The following CBFA2T2 variants were observed in gnomAD, a reference collection of about 807,000 sequenced individuals.
CBFA2T2 encodes the protein protein CBFA2T2.
In CBFA2T2, 11 loss-of-function variants were observed where a neutral mutation model predicts 62.2. The ratio of observed to expected loss-of-function variants is 0.18; its 90% CI spans 0.11 to 0.29. The LOEUF (loss-of-function observed/expected upper bound fraction) is 0.29, where lower values mean the gene tolerates loss of function less well. Among genes scored for constraint, CBFA2T2 ranks in the 10% least tolerant of loss-of-function variants. The pLI, the probability that CBFA2T2 is intolerant of heterozygous loss-of-function variation, is 1.00. For synonymous variants in CBFA2T2, 295 were observed against 287.5 expected (o/e 1.03, Z -0.27); for missense variants, 592 against 774.1 (o/e 0.76, Z 2.79).
rs58503565 is a variant in CBFA2T2, at chr20:33,596,660, G to A, written c.35-10296G>A. 5.2e-3 allele frequency among the ~76,000 whole-genome samples: 790 copies of A among 152,132 alleles called. 9 individuals carry two copies. The highest frequency in any genetic ancestry group is 0.018 in the African/African-American group (761 of 41,502). Reference sequence around the variant, plus strand: ...TAAGATACCTGTTCTCAGGCTTTCCGTAGAATCTATATGCCATTATTTGAA... The same window carrying A: ...TAAGATACCTGTTCTCAGGCTTTCCATAGAATCTATATGCCATTATTTGAA... On this transcript the variant is annotated intron_variant, in intron 1 of 10. Transcript: ENST00000342704.
intron 1 of CBFA2T2, among the ~76,000 whole-genome samples, chr20:33,600,069 G>A (rs2015054607): frequency 6.6e-6 from 1 of 151,454 alleles, no homozygotes; most frequent in Admixed American, 6.6e-5. Flanking sequence ...TCATCCTTAA[G>A]CATGTACTAT....
At chr20:33,566,862 C>T (rs754375751) in intron 1 of CBFA2T2, among the ~76,000 whole-genome samples, 4 of 152,188 alleles carry the variant, frequency 2.6e-5, no homozygotes, top group Non-Finnish European at 1.5e-5. Flanking sequence ...CTAGCTGTTG[C>T]TGTCTTTCCA....
chr20:33,531,517 C>T (rs1196775474), intron 1 of CBFA2T2, among the ~76,000 whole-genome samples: 6 of 152,212 alleles, frequency 3.9e-5, no homozygotes, highest in Admixed American at 3.3e-4. Context: ...AAACTACTTT[C>T]ATTCTGGAAT....
rs1172936071 is a variant in CBFA2T2, at chr20:33,550,060, C to T, written c.35-56896C>T. On this transcript the variant is annotated intron_variant, in intron 1 of 10. Coordinates refer to ENST00000342704, the MANE Select transcript of CBFA2T2 (RefSeq NM_001032999.3). ...TTTGGACAGTTTTTTCCACATAAAGCCTTCCAGAAGATACTAAGAGCTATA... is the reference window on the plus strand; with the variant it reads ...TTTGGACAGTTTTTTCCACATAAAGTCTTCCAGAAGATACTAAGAGCTATA... Among the ~76,000 whole-genome samples the T allele has an allele frequency of 3.3e-5, 5 of 152,064 alleles. No individual in the cohort carries two copies. The East Asian group carries it at 9.7e-4, about 29-fold the overall frequency.
At chr20:33,613,196 GT>G (rs1473312268) in intron 3 of CBFA2T2, among the ~76,000 whole-genome samples, 1 of 152,168 alleles carries the variant, frequency 6.6e-6, no homozygotes, top group Non-Finnish European at 1.5e-5. Context: ...ATGACTGTAG[GT>G]TATTTTCATT....
chr20:33,636,723 G>A lies in CBFA2T2; in HGVS notation c.1297+15G>A, dbSNP rs748330077. On this transcript the variant is annotated intron_variant, in intron 9 of 10. Coordinates refer to ENST00000342704, the MANE Select transcript of CBFA2T2 (RefSeq NM_001032999.3). The stretch of plus-strand genomic sequence containing the variant: ...GAAAAAAACAGGTATGTGTCTGACT[G>A]CTTGTAGGTCATACATACTCACTAA... The A allele has an allele frequency of 1.9e-6, 3 of 1,588,070 alleles. No homozygotes were observed. Among genetic ancestry groups the A allele is most frequent in the Non-Finnish European group, 2.6e-6 (3 of 1,156,742 alleles).
At chr20:33,623,339 A>T (rs1008063428) in intron 5 of CBFA2T2, 43 bp downstream of exon 5, 1 of 1,600,202 alleles carries the variant, frequency 6.2e-7, no homozygotes, top group Non-Finnish European at 8.6e-7. Context: ...CTGGAACCGC[A>T]CTGGTCCTCC....
At chr20:33,558,195 G>A (rs1568818236) in intron 1 of CBFA2T2, among the ~76,000 whole-genome samples, 1 of 151,440 alleles carries the variant, frequency 6.6e-6, no homozygotes, top group African/African-American at 2.4e-5. Flanking sequence ...GCAGTGGTGC[G>A]ATCATGGCTC....
intron 1 of CBFA2T2, among the ~76,000 whole-genome samples, chr20:33,552,699 A>C (rs1303346111): frequency 1.3e-5 from 2 of 152,170 alleles, no homozygotes; most frequent in Non-Finnish European, 2.9e-5. Context: ...AAATGGGCTT[A>C]TGCTGTCCCC....
chr20:33,557,469 A>G (rs147271819), intron 1 of CBFA2T2, among the ~76,000 whole-genome samples: 8 of 152,220 alleles, frequency 5.3e-5, no homozygotes, highest in African/African-American at 1.7e-4. Context: ...ACAGCTAGGA[A>G]GTGTATGTAT....
chr20:33,540,812 A>G (rs1431867462), intron 1 of CBFA2T2, among the ~76,000 whole-genome samples: 1 of 152,184 alleles, frequency 6.6e-6, no homozygotes, highest in Non-Finnish European at 1.5e-5. Context: ...TAAATTTGAT[A>G]TCTAGGGTAC....
At chr20:33,632,471 CTTT>C (rs60957531) in intron 8 of CBFA2T2, among the ~76,000 whole-genome samples, 2 of 137,860 alleles carry the variant, frequency 1.5e-5, no homozygotes, top group Admixed American at 7.4e-5. Context: ...TCACCAATGA[CTTT>C]TTTTTTTTTT....
At chr20:33,521,798 CA>C (rs1311042303) in intron 1 of CBFA2T2, among the ~76,000 whole-genome samples, 1 of 151,020 alleles carries the variant, frequency 6.6e-6, no homozygotes, top group Non-Finnish European at 1.5e-5. Flanking sequence ...CAAAATTGAA[CA>C]AAAAAAGATG....
intron 1 of CBFA2T2, among the ~76,000 whole-genome samples, chr20:33,594,639 G>A (rs2014811201): frequency 6.6e-6 from 1 of 152,170 alleles, no homozygotes; most frequent in South Asian, 2.1e-4. Context: ...AACTAGCTGT[G>A]TGAGAAATTG....
At chr20:33,608,229 A>C (rs779818846) in intron 2 of CBFA2T2, among the ~76,000 whole-genome samples, 1 of 152,226 alleles carries the variant, frequency 6.6e-6, no homozygotes, top group Non-Finnish European at 1.5e-5. Context: ...TTCCATGCAC[A>C]TGCTGCCGTC....
chr20:33,500,390 T>C (rs910441761), intron 1 of CBFA2T2, among the ~76,000 whole-genome samples: 1 of 151,882 alleles, frequency 6.6e-6, no homozygotes, highest in Non-Finnish European at 1.5e-5. Flanking sequence ...CAACTTTCTT[T>C]CCCTAACAAC....
chr20:33,525,229 A>G (rs1314391761), intron 1 of CBFA2T2, among the ~76,000 whole-genome samples: 1 of 147,112 alleles, frequency 6.8e-6, no homozygotes, highest in Non-Finnish European at 1.5e-5. Context: ...CTTGTTGCCC[A>G]GGCTGGAGTG....
chr20:33,548,974 G>GTCCATCCATCCATCCA (rs145778204), intron 1 of CBFA2T2, among the ~76,000 whole-genome samples: 2 of 151,432 alleles, frequency 1.3e-5, no homozygotes, highest in Admixed American at 6.6e-5. Context: ...CTGTCCATCC[G>GTCCATCCATCCATCCA]TCCATCCATC....
At chr20:33,559,193 T>TTTTTTTTTTTTTTTTTTC (rs1555835221) in intron 1 of CBFA2T2, among the ~76,000 whole-genome samples, 1 of 143,928 alleles carries the variant, frequency 6.9e-6, no homozygotes, top group African/African-American at 2.8e-5. Context: ...TTTTTTTTTT[T>TTTTTTTTTTTTTTTTTTC]CTGAGATGGA....
Sources: allele counts gnomAD v4.1 joint callset (sites outside exome capture counted in the v4.1 genomes callset), GRCh38; gene constraint gnomAD v4.1.1; transcripts MANE v1.5; gene names NCBI Gene and HGNC (gene_info 2026-07-23, HGNC 2026-07-21).